The following TNRC6B variants were observed in gnomAD, a reference collection of about 807,000 sequenced individuals.
TNRC6B encodes trinucleotide repeat containing adaptor 6B.
Under a neutral mutation model 203.6 loss-of-function variants are expected in TNRC6B, and 52 were observed. That is an observed-to-expected ratio of 0.26 (90% CI 0.20 to 0.32). TNRC6B has a LOEUF of 0.32. TNRC6B is among the 10% of genes least tolerant of loss of function. The pLI is 1.00. For synonymous variants in TNRC6B, 838 were observed against 845.7 expected, an observed-to-expected ratio of 0.99 and a Z score of 0.16; for missense variants, 1,923 against 2,286.2, an observed-to-expected ratio of 0.84 and a Z score of 3.24.
chr22:40,280,124 G>A lies in TNRC6B; in HGVS notation c.3392G>A (p.Ser1131Asn), dbSNP rs1358673489. ...TCCAAAGACATGGGAACCACAGATA[G>A]TGGGCCTTATTTTGAGAAGGTGAGT... Reference protein sequence around the residue: ...PNSKDMGTTDSGPYFEKLTLP... With the variant: ...PNSKDMGTTDNGPYFEKLTLP... Residue 1131 changes from serine to asparagine, a missense_variant, in exon 10 of 23, where the codon AGT (serine) becomes AAT (asparagine). Physicochemically the swap from Ser to Asn is conservative, Grantham distance 46. This residue lies in a region of TNRC6B where 599 missense variants were observed against 656.5 expected (regional missense o/e 0.91). Coordinates refer to ENST00000454349, the MANE Select transcript of TNRC6B (RefSeq NM_001162501.2). 1 of 1,613,434 alleles carries A rather than the reference G, an allele frequency of 6.2e-7. No individual in the cohort carries two copies. The highest frequency in any genetic ancestry group is 8.5e-7 in the Non-Finnish European group (1 of 1,179,492).
intron 7 of TNRC6B, 118 bp downstream of exon 7, chr22:40,273,718 G>T (rs2070597958): frequency 1.7e-6 from 2 of 1,150,076 alleles, no homozygotes; most frequent in African/African-American, 3.1e-5. Context: ...AGACTGGAGT[G>T]CAGTGGGACA....
At chr22:40,273,083 A>G (rs1438211042) in intron 6 of TNRC6B, among the ~76,000 whole-genome samples, 1 of 152,224 alleles carries the variant, frequency 6.6e-6, no homozygotes, top group East Asian at 1.9e-4. Flanking sequence ...ATTAAGAGGA[A>G]CAGATTTATC....
intron 13 of TNRC6B, 156 bp from the exon 14 acceptor site, chr22:40,300,754 G>A: frequency 8.1e-7 from 1 of 1,229,956 alleles, no homozygotes. Flanking sequence ...CTCAACTGGA[G>A]GAAAATGTAA....
intron 1 of TNRC6B, among the ~76,000 whole-genome samples, chr22:40,099,762 AT>A (rs1020182683): frequency 6.6e-6 from 1 of 152,012 alleles, no homozygotes; most frequent in African/African-American, 2.4e-5. Flanking sequence ...TTATTTATTT[AT>A]TTTTTGAAAC....
intron 1 of TNRC6B, among the ~76,000 whole-genome samples, chr22:40,185,674 G>A (rs1301687183): frequency 6.6e-6 from 1 of 152,166 alleles, no homozygotes; most frequent in Non-Finnish European, 1.5e-5. Flanking sequence ...TGCCTGCTGA[G>A]TAGTTTGTAT....
At chr22:40,222,893 G>A (rs569267871) in intron 1 of TNRC6B, among the ~76,000 whole-genome samples, 2 of 151,122 alleles carry the variant, frequency 1.3e-5, no homozygotes, top group African/African-American at 4.9e-5. Context: ...CTACAGGCGT[G>A]CACCACCACT....
At chr22:40,287,109 A>G (rs2070795500) in intron 12 of TNRC6B, among the ~76,000 whole-genome samples, 1 of 152,114 alleles carries the variant, frequency 6.6e-6, no homozygotes, top group Admixed American at 6.5e-5. Flanking sequence ...TCTTGGGCTC[A>G]AGCAGTCCTC....
chr22:40,315,206 AG>A, intron 19 of TNRC6B, 76 bp from the exon 20 acceptor site: 1 of 1,114,986 alleles, frequency 9.0e-7, no homozygotes. Flanking sequence ...ATGTGTATGT[AG>A]ATAAAACTCA....
intron 1 of TNRC6B, among the ~76,000 whole-genome samples, chr22:40,184,914 T>C (rs1296341577): frequency 1.3e-5 from 2 of 152,298 alleles, no homozygotes; most frequent in East Asian, 3.9e-4. Context: ...TCCTGAGATA[T>C]CCAGGTGAAA....
At chr22:40,262,471 A>T (rs985210944) in intron 4 of TNRC6B, among the ~76,000 whole-genome samples, 1 of 151,972 alleles carries the variant, frequency 6.6e-6, no homozygotes, top group Non-Finnish European at 1.5e-5. Flanking sequence ...CCATAGTTCC[A>T]CCGTCATATG....
intron 1 of TNRC6B, among the ~76,000 whole-genome samples, chr22:40,102,173 C>CT (rs2068246473): frequency 6.6e-6 from 1 of 152,000 alleles, no homozygotes; most frequent in African/African-American, 2.4e-5. Flanking sequence ...ATATACTATG[C>CT]TTTCTGATTT....
At chr22:40,106,841 G>T in intron 1 of TNRC6B, 2 of 1,143,530 alleles carry the variant, frequency 1.7e-6, no homozygotes, top group African/African-American at 1.5e-5. Flanking sequence ...AGCTTTTCTT[G>T]CCACCCTCGC....
In TNRC6B at chr22:40,148,496, A is replaced by C. The variant is rs558888124; in HGVS notation, c.46-7619A>C. 2.2e-4 allele frequency among the ~76,000 whole-genome samples: 33 copies of C among 152,136 alleles called. No individual in the cohort carries two copies. In the East Asian group the frequency reaches 3.5e-3, roughly 16 times the overall value. The stretch of plus-strand genomic sequence containing the variant: ...ATGGAGTTTCACCATGTTGGCCAGG[A>C]TGATCTCAATCTCTTGACCTTGTGA... On this transcript the variant is annotated intron_variant, in intron 3 of 23. Coordinates refer to the TNRC6B transcript ENST00000301923.
At chr22:40,165,435 C>G (rs1389168227) in intron 4 of TNRC6B, among the ~76,000 whole-genome samples, 1 of 152,142 alleles carries the variant, frequency 6.6e-6, no homozygotes. Context: ...CTCAACCGCC[C>G]AAAGTACTTG....
chr22:40,321,902 G>A (rs2071339135), intron 22 of TNRC6B: 1 of 152,208 alleles, frequency 6.6e-6, no homozygotes, highest in African/African-American at 2.4e-5. Flanking sequence ...GGGGTAGCAG[G>A]GTCTTTGCTT....
intron 3 of TNRC6B, among the ~76,000 whole-genome samples, chr22:40,145,828 G>A: frequency 7.1e-6 from 1 of 141,232 alleles, no homozygotes. Flanking sequence ...GTGACAGAGC[G>A]AGACTTTGTC....
intron 11 of TNRC6B, among the ~76,000 whole-genome samples, chr22:40,282,034 A>G (rs2070726413): frequency 6.6e-6 from 1 of 152,244 alleles, no homozygotes; most frequent in Admixed American, 6.5e-5. Flanking sequence ...CTTTGGAGTC[A>G]CAATTCCTTT....
At chr22:40,189,982 A>G (rs969779314) in intron 1 of TNRC6B, among the ~76,000 whole-genome samples, 1 of 152,260 alleles carries the variant, frequency 6.6e-6, no homozygotes, top group African/African-American at 2.4e-5. Flanking sequence ...AGCTTTATGA[A>G]AATGATTACA....
At chr22:40,094,581 A>G (rs1169951389) in intron 1 of TNRC6B, among the ~76,000 whole-genome samples, 1 of 152,236 alleles carries the variant, frequency 6.6e-6, no homozygotes, top group Non-Finnish European at 1.5e-5. Flanking sequence ...AAATTATTGA[A>G]GGTTAAAACA....
Sources: gnomAD v4.1 joint callset for allele counts (sites outside exome capture counted in the v4.1 genomes callset) on GRCh38, gnomAD v4.1.1 for gene constraint, gnomAD v4.1.1 regional missense constraint, MANE v1.5 for transcripts, NCBI Gene and HGNC (gene_info 2026-07-23, HGNC 2026-07-21) for gene names.